Variants in CFAP47 observed in about 807,000 individuals in gnomAD.
The protein encoded by CFAP47 is cilia and flagella associated protein 47, also known as cilia- and flagella-associated protein 47.
CFAP47 carries 29 observed loss-of-function variants against 148.1 expected under a neutral mutation model. That is an observed-to-expected ratio of 0.20 (90% CI 0.15 to 0.27). The LOEUF is 0.27. CFAP47 is among the 10% of genes least tolerant of loss of function. The pLI is 1.00. For synonymous variants in CFAP47, 664 were observed against 577.3 expected (o/e 1.15, Z -2.15); for missense variants, 1,872 against 1,697.5 (o/e 1.10, Z -1.81).
intron 33 of CFAP47, among the ~76,000 whole-genome samples, chrX:36,132,414 A>G (rs1281456524): frequency 1.8e-5 from 2 of 111,638 alleles, no homozygotes; most frequent in East Asian, 5.6e-4. Context: ...GATTTTGCTA[A>G]TATGTTTTTA....
intron 40 of CFAP47, among the ~76,000 whole-genome samples, chrX:36,179,743 C>T (rs1038978227): frequency 1.0e-4 from 11 of 110,507 alleles, no homozygotes; most frequent in Non-Finnish European, 1.3e-4. Flanking sequence ...ATACAGATTA[C>T]AATAGTAAAC....
intron 59 of CFAP47, among the ~76,000 whole-genome samples, 182 bp downstream of exon 59, chrX:36,350,314 C>G (rs782514863): frequency 8.9e-6 from 1 of 111,784 alleles, no homozygotes; most frequent in East Asian, 2.8e-4. Context: ...CACAAAACCA[C>G]ACTATTTTTT....
intron 40 of CFAP47, among the ~76,000 whole-genome samples, chrX:36,180,155 A>G (rs1178372621): frequency 2.7e-5 from 3 of 111,546 alleles, no homozygotes. Context: ...ATTCATGGAT[A>G]ATGAGGATTG....
intron 27 of CFAP47, among the ~76,000 whole-genome samples, chrX:36,066,576 C>T (rs993662346): frequency 9.0e-6 from 1 of 111,563 alleles, no homozygotes; most frequent in Non-Finnish European, 1.9e-5. Flanking sequence ...TTTTACTGGT[C>T]ACAAAGCTGG....
intron 33 of CFAP47, among the ~76,000 whole-genome samples, chrX:36,131,266 T>C (rs1157216566): frequency 9.0e-6 from 1 of 111,285 alleles, no homozygotes; most frequent in African/African-American, 3.3e-5. Flanking sequence ...CAAGGATTCA[T>C]AGAAATCGGA....
At chrX:36,171,128 AC>A (rs1939570587) in intron 39 of CFAP47, among the ~76,000 whole-genome samples, 1 of 109,195 alleles carries the variant, frequency 9.2e-6, no homozygotes, top group African/African-American at 3.4e-5. Flanking sequence ...TCCTTTGCCC[AC>A]TTTTTGATGG....
At chrX:35,923,317 T>G (rs1235502153) in intron 1 of CFAP47, among the ~76,000 whole-genome samples, 2 of 111,981 alleles carry the variant, frequency 1.8e-5, no homozygotes, top group Non-Finnish European at 3.8e-5. Context: ...ACTGTAGAAG[T>G]GTATTTACAT....
chrX:36,367,444 A>G (rs1221745044), intron 62 of CFAP47, among the ~76,000 whole-genome samples: 1 of 112,077 alleles, frequency 8.9e-6, no homozygotes, highest in Admixed American at 9.5e-5. Flanking sequence ...GGTACGTCAG[A>G]TGGTTTAACT....
chrX:36,279,056 A>AT (rs1337468755), intron 49 of CFAP47, among the ~76,000 whole-genome samples: 10 of 111,258 alleles, frequency 9.0e-5, no homozygotes, highest in African/African-American at 2.6e-4. Flanking sequence ...TTAAAATATT[A>AT]TTTTTTTTCC....
intron 29 of CFAP47, among the ~76,000 whole-genome samples, chrX:36,082,246 A>G (rs1333924763): frequency 9.0e-6 from 1 of 110,877 alleles, no homozygotes; most frequent in African/African-American, 3.3e-5. Flanking sequence ...CTGAGATAAT[A>G]TCTCGTTGGG....
chrX:36,376,687 A>G (rs782161069), intron 62 of CFAP47, among the ~76,000 whole-genome samples: 1 of 111,033 alleles, frequency 9.0e-6, no homozygotes, highest in African/African-American at 3.3e-5. Flanking sequence ...GGTTTGTTAC[A>G]TATGTATACA....
In CFAP47 at chrX:36,129,624, A is replaced by G. The variant is rs1938908604; in HGVS notation, c.5321-8334A>G. Among the ~76,000 whole-genome samples, 3 of 111,506 alleles carry G rather than the reference A, an allele frequency of 2.7e-5. No homozygotes were observed. In the South Asian group the frequency reaches 1.1e-3, roughly 41 times the overall value. On this transcript the variant is annotated intron_variant, in intron 33 of 63. Transcript: ENST00000378653. ...AAACAAAATTCGAAAATGCCCTATT[A>G]TATTTTATGAAGATAGACATGGAAA...
chrX:36,321,215 G>T (rs1428252596), intron 57 of CFAP47, among the ~76,000 whole-genome samples: 1 of 111,673 alleles, frequency 9.0e-6, no homozygotes, highest in East Asian at 2.8e-4. Flanking sequence ...GAGAGAGAGA[G>T]ATACTGCCAT....
rs752675154 is a variant in CFAP47, at chrX:36,123,886, T to A, written c.5321-14072T>A. 3.6e-5 allele frequency among the ~76,000 whole-genome samples: 4 copies of A among 111,693 alleles called. No homozygotes were observed. In the South Asian group the frequency reaches 1.5e-3, roughly 42 times the overall value. On this transcript the variant is annotated intron_variant, in intron 33 of 63. Coordinates refer to ENST00000378653, the MANE Select transcript of CFAP47 (RefSeq NM_001304548.2). Reference sequence around the variant, plus strand: ...ACCCCATAGCCACCACACCTGGGGATGTGCTGAGTCTCACCTGAATCCAGC... The same window carrying A: ...ACCCCATAGCCACCACACCTGGGGAAGTGCTGAGTCTCACCTGAATCCAGC...
chrX:36,356,386 G>A (rs183837413), intron 60 of CFAP47, among the ~76,000 whole-genome samples: 1 of 110,961 alleles, frequency 9.0e-6, no homozygotes, highest in East Asian at 2.9e-4. Flanking sequence ...TAGAAGAATA[G>A]ACCAGTCTCT....
intron 45 of CFAP47, chrX:36,211,654 C>A: frequency 2.5e-5 from 5 of 201,485 alleles, no homozygotes; most frequent in South Asian, 7.2e-5. Flanking sequence ...AGGTTGAAAA[C>A]AGTAAGAAAA....
intron 2 of CFAP47, among the ~76,000 whole-genome samples, chrX:35,938,745 C>T (rs766427447): frequency 9.0e-6 from 1 of 111,346 alleles, no homozygotes; most frequent in South Asian, 3.8e-4. Context: ...TTTTCAACTC[C>T]GTAAAGTTAT....
intron 52 of CFAP47, among the ~76,000 whole-genome samples, chrX:36,300,540 C>T (rs1225129978): frequency 3.6e-5 from 4 of 111,340 alleles, no homozygotes; most frequent in African/African-American, 9.8e-5. Context: ...CCGCCTGCCT[C>T]GGCCTCCCAA....
intron 30 of CFAP47, among the ~76,000 whole-genome samples, chrX:36,093,507 A>G (rs1038347004): frequency 2.7e-5 from 3 of 111,327 alleles, no homozygotes; most frequent in Non-Finnish European, 3.8e-5. Context: ...TCTGTTGATC[A>G]ATGATGTTAA....
Sources: gnomAD v4.1 joint callset for allele counts (sites outside exome capture counted in the v4.1 genomes callset) on GRCh38, gnomAD v4.1.1 for gene constraint, MANE v1.5 for transcripts, NCBI Gene and HGNC (gene_info 2026-07-23, HGNC 2026-07-21) for gene names.